RAD52: variants seen among roughly 807,000 people sequenced by gnomAD.
RAD52 encodes RAD52 DNA repair protein.
A neutral mutation model predicts 55.5 loss-of-function variants in RAD52; 47 were observed. That is an observed-to-expected ratio of 0.85 (90% CI 0.67 to 1.08). The LOEUF is 1.08. Ranked by LOEUF, RAD52 falls within the 50% of genes least tolerant of loss-of-function variation. RAD52 has a pLI of 0.00. For missense variants in RAD52, 468 were observed against 522.8 expected, an observed-to-expected ratio of 0.90 and a Z score of 1.02; for synonymous variants, 184 against 198.9, an observed-to-expected ratio of 0.92 and a Z score of 0.63.
chr12:955,763 C>T (rs1271265513), intron 1 of RAD52, among the ~76,000 whole-genome samples: 1 of 151,790 alleles, frequency 6.6e-6, no homozygotes, highest in South Asian at 2.1e-4. Flanking sequence ...TGAGCCACTG[C>T]ACCTGGGCAT....
intron 1 of RAD52, among the ~76,000 whole-genome samples, chr12:983,784 C>T (rs1391166590): frequency 2.0e-5 from 3 of 152,116 alleles, no homozygotes; most frequent in Non-Finnish European, 2.9e-5. Flanking sequence ...ATCTCTTCCT[C>T]TTCTTATAAG....
chr12:925,075 C>T (rs1224930210), intron 7 of RAD52, among the ~76,000 whole-genome samples: 2 of 151,790 alleles, frequency 1.3e-5, no homozygotes, highest in Non-Finnish European at 2.9e-5. Context: ...CTCAGCCTCC[C>T]GAGTAGCTGG....
At chr12:980,872 A>G (rs1249615317) in intron 1 of RAD52, among the ~76,000 whole-genome samples, 1 of 152,088 alleles carries the variant, frequency 6.6e-6, no homozygotes, top group Non-Finnish European at 1.5e-5. Context: ...GGACTTCAAC[A>G]TGAGTTTTGG....
At chr12:952,279 T>C (rs1481455479), upstream of RAD52, among the ~76,000 whole-genome samples, 2 of 152,116 alleles carry the variant, frequency 1.3e-5, no homozygotes, top group Non-Finnish European at 2.9e-5. Context: ...AAAAAATTTT[T>C]TTTAGAGAGG....
intron 1 of RAD52, among the ~76,000 whole-genome samples, chr12:956,102 G>C (rs1350249641): frequency 6.6e-6 from 1 of 152,114 alleles, no homozygotes; most frequent in African/African-American, 2.4e-5. Context: ...CTTGAACAAG[G>C]GGCAGCCACA....
At chr12:926,781 C>A (rs6489763) in intron 6 of RAD52, 1,531,989 of 1,533,934 alleles carry the variant, frequency 1, 765,044 homozygotes, top group East Asian at 1. Context: ...TGTGTAACTA[C>A]GTTAACTATG....
chr12:971,926 T>A (rs1958863111), intron 1 of RAD52, among the ~76,000 whole-genome samples: 2 of 152,252 alleles, frequency 1.3e-5, no homozygotes, highest in South Asian at 4.1e-4. Flanking sequence ...TTTTTTGTAT[T>A]TTTAGTAGAG....
upstream of RAD52, among the ~76,000 whole-genome samples, chr12:950,104 G>C (rs1958483771): frequency 6.6e-6 from 1 of 152,198 alleles, no homozygotes. Context: ...GAGGATGAAT[G>C]GTTGTCAGAG....
chr12:936,032 G>C (rs1035289680), intron 1 of RAD52, among the ~76,000 whole-genome samples: 1 of 151,732 alleles, frequency 6.6e-6, no homozygotes, highest in South Asian at 2.1e-4. Flanking sequence ...GGCCGGGCAC[G>C]GTGGCTCACA....
rs1330343625 is a variant in RAD52 at position 916,473 on chromosome 12, A to C, written c.736T>G (p.Ser246Ala). ...GTGGCCTCGCTCTCCACGGCGGATG[A>C]GCTCAGGCTTCTGCATGAGAGGGCG... ...DQDCSSRSLSSSAVESEATHQ... is the reference protein window; with the variant it reads ...DQDCSSRSLSASAVESEATHQ... Residue 246 changes from serine (S) to alanine (A), a missense_variant, in exon 9 of 12, where the codon TCA becomes GCA. Coordinates refer to ENST00000358495, the MANE Select transcript of RAD52 (RefSeq NM_134424.4). The C allele has an allele frequency of 3.1e-6, 5 of 1,607,700 alleles. No individual in the cohort carries two copies. The highest frequency in any genetic ancestry group is 1.3e-5 in the African/African-American group (1 of 74,984).
rs775256073 is a variant in RAD52, at chr12:931,170, C to A, written c.186+50G>T. The stretch of plus-strand genomic sequence containing the variant: ...CCAGAGAGGGAACTGGCAAGACCAT[C>A]GGAGTCTGCGGTATGGATGCCTGCT... On this transcript the variant is annotated intron_variant, in intron 3 of 11. Coordinates refer to ENST00000358495, the MANE Select transcript of RAD52 (RefSeq NM_134424.4). 4.8e-6 allele frequency: 7 copies of A among 1,453,352 alleles called. No homozygotes were observed. In the South Asian group the frequency reaches 8.0e-5, roughly 17 times the overall value. 90.0% of individuals were successfully genotyped at this position (1,453,352 alleles called of 1,614,324 possible).
At chr12:922,610 G>A (rs1956800075) in intron 7 of RAD52, among the ~76,000 whole-genome samples, 1 of 152,180 alleles carries the variant, frequency 6.6e-6, no homozygotes, top group Admixed American at 6.5e-5. Context: ...TGCTAGCTAA[G>A]TGAAATAAGC....
intron 10 of RAD52, 107 bp from the exon 11 acceptor site, chr12:914,228 A>C: frequency 7.6e-7 from 1 of 1,307,240 alleles, no homozygotes; most frequent in Non-Finnish European, 1.0e-6. Context: ...GTACCTTCTG[A>C]AAGTTTTTGG....
chr12:965,828 ACATAT>A (rs1958754597), intron 1 of RAD52, among the ~76,000 whole-genome samples: 1 of 151,786 alleles, frequency 6.6e-6, no homozygotes, highest in Non-Finnish European at 1.5e-5. Context: ...CTGGGATTAC[ACATAT>A]GCACCACCAC....
chr12:921,911 G>T (rs1295241602), intron 7 of RAD52, among the ~76,000 whole-genome samples: 2 of 151,536 alleles, frequency 1.3e-5, no homozygotes, highest in African/African-American at 2.4e-5. Context: ...TTCGAGACCA[G>T]CCTGACCAAC....
At chr12:943,089 A>G (rs945328519) in intron 1 of RAD52, among the ~76,000 whole-genome samples, 5 of 152,222 alleles carry the variant, frequency 3.3e-5, no homozygotes, top group East Asian at 1.9e-4. Flanking sequence ...AGTGCTAAAC[A>G]CCATTAGTGA....
At chr12:978,205 G>C (rs145001152) in intron 1 of RAD52, among the ~76,000 whole-genome samples, 1 of 152,018 alleles carries the variant, frequency 6.6e-6, no homozygotes, top group Non-Finnish European at 1.5e-5. Context: ...CACCATGCCC[G>C]GCTAATTTTT....
chr12:934,111 A>C (rs566222710), intron 1 of RAD52, among the ~76,000 whole-genome samples: 6 of 150,980 alleles, frequency 4.0e-5, no homozygotes, highest in African/African-American at 1.5e-4. Context: ...CTCAAAAAAA[A>C]AAAAAAACAA....
At chr12:957,549 G>A (rs370719385) in intron 1 of RAD52, among the ~76,000 whole-genome samples, 4 of 152,008 alleles carry the variant, frequency 2.6e-5, no homozygotes, top group South Asian at 4.2e-4. Flanking sequence ...AGTTTGGGAG[G>A]CCAAGGCGGG....
Sources: gnomAD v4.1 joint callset for allele counts (sites outside exome capture counted in the v4.1 genomes callset) on GRCh38, gnomAD v4.1.1 for gene constraint, MANE v1.5 for transcripts, NCBI Gene and HGNC (gene_info 2026-07-23, HGNC 2026-07-21) for gene names.